Variants in ARHGEF18 observed in about 807,000 individuals in gnomAD.
The protein encoded by ARHGEF18 is rho guanine nucleotide exchange factor 18.
In ARHGEF18, 93 loss-of-function variants were observed where a neutral mutation model predicts 155.7. The observed-to-expected ratio is 0.60, with a 90% confidence interval of 0.50 to 0.71. The LOEUF (loss-of-function observed/expected upper bound fraction) is 0.71. Ranked by LOEUF, ARHGEF18 falls within the 30% of genes least tolerant of loss-of-function variation. The pLI is 0.00. For synonymous variants in ARHGEF18, 742 were observed against 753.1 expected, an observed-to-expected ratio of 0.99 and a Z score of 0.24; for missense variants, 1,593 against 1,816.1, an observed-to-expected ratio of 0.88 and a Z score of 2.23.
intron 13 of ARHGEF18, among the ~76,000 whole-genome samples, chr19:7,442,600 G>A (rs898347477): frequency 2.6e-5 from 4 of 152,188 alleles, no homozygotes; most frequent in Non-Finnish European, 5.9e-5. Flanking sequence ...AGAGACTGTC[G>A]GAGAGGATTT....
chr19:7,378,980 A>C, intron 6 of ARHGEF18, 142 bp from the exon 7 acceptor site: 1 of 591,948 alleles, frequency 1.7e-6, no homozygotes, highest in Non-Finnish European at 2.4e-6. Flanking sequence ...GGCGTGAGCC[A>C]CTGTGCCCGG....
chr19:7,374,054 C>G (rs1048847971), intron 3 of ARHGEF18, among the ~76,000 whole-genome samples: 4 of 151,984 alleles, frequency 2.6e-5, no homozygotes, highest in African/African-American at 9.7e-5. Flanking sequence ...GTCACCATGC[C>G]GGGCCCCTGC....
rs374271088 is a variant in ARHGEF18, at chr19:7,458,493, A to G, written c.2182-19A>G. ...TGTGGGGTAAAGGGTGACCTCCCCA[A>G]TGCCCTCTACTCATGCAGGACTCAA... On this transcript the variant is annotated intron_variant, in intron 18 of 28. Coordinates refer to ENST00000668164, the MANE Select transcript of ARHGEF18 (RefSeq NM_001367823.1). The G allele has an allele frequency of 7.5e-6, 12 of 1,610,168 alleles. No homozygotes were observed. The highest frequency in any genetic ancestry group is 6.7e-5 in the East Asian group (3 of 44,774).
At position 7,451,244 on chromosome 19, in the gene ARHGEF18, G is replaced by T. The variant is rs1339440825; in HGVS notation, c.1833G>T (p.Glu611Asp). 5.6e-6 allele frequency: 9 copies of T among 1,610,548 alleles called. No individual in the cohort carries two copies. The highest frequency in any genetic ancestry group is 7.6e-6 in the Non-Finnish European group (9 of 1,179,094). ...QRITKYPVLVERIIQNTEAGT... is the reference protein window; with the variant it reads ...QRITKYPVLVDRIIQNTEAGT... ...TAACCAAATACCCAGTGCTGGTGGA[G>T]CGCATCATCCAGAACACGGAAGGTA... is the stretch of plus-strand genomic sequence containing the variant. Residue 611 changes from glutamate to aspartate, a missense_variant, in exon 16 of 29, where the codon GAG becomes GAT. Physicochemically the swap from Glu to Asp is conservative, Grantham distance 45. Coordinates refer to ENST00000668164, the MANE Select transcript of ARHGEF18 (RefSeq NM_001367823.1).
At chr19:7,378,509 G>A (rs769756088) in intron 6 of ARHGEF18, 58 bp downstream of exon 6, 1 of 1,219,420 alleles carries the variant, frequency 8.2e-7, no homozygotes, top group Admixed American at 4.2e-5. Flanking sequence ...ACAAAGTCAG[G>A]GCTGCGGGAG....
At chr19:7,410,929 G>A (rs992136516) in intron 10 of ARHGEF18, among the ~76,000 whole-genome samples, 2 of 151,940 alleles carry the variant, frequency 1.3e-5, no homozygotes, top group African/African-American at 4.8e-5. Flanking sequence ...GGCCTCAGGG[G>A]GTGGAATAGT....
chr19:7,397,780 G>A lies in ARHGEF18; in HGVS notation c.967+14577G>A, dbSNP rs1488211495. On this transcript the variant is annotated intron_variant, in intron 10 of 28. Coordinates refer to ENST00000668164, the MANE Select transcript of ARHGEF18 (RefSeq NM_001367823.1). ...TGTGGGGTCTCGCTATGTTGCCCAG[G>A]CTGGTCTTGAAGTCCTGGACTCAAG... 2.0e-5 allele frequency among the ~76,000 whole-genome samples: 3 copies of A among 151,980 alleles called. No individual in the cohort carries two copies. In the East Asian group the frequency reaches 5.8e-4, roughly 29 times the overall value.
chr19:7,409,784 T>TTTA (rs1555712138), intron 10 of ARHGEF18, among the ~76,000 whole-genome samples: 2 of 136,558 alleles, frequency 1.5e-5, no homozygotes, highest in African/African-American at 5.8e-5. Context: ...TTTTTTTTTT[T>TTTA]ATTGAGATGG....
chr19:7,458,559 A>G lies in ARHGEF18; in HGVS notation c.2229A>G (p.Glu743=). Residue 743 remains glutamate (E), a synonymous_variant, in exon 19 of 29, where the codon GAA becomes GAG. Coordinates refer to ENST00000668164, the MANE Select transcript of ARHGEF18 (RefSeq NM_001367823.1). ...CGTTACAAAAGCTCATCGTGAGGGA[A>G]GTGGCCAACGAGGAGAAAGCGATGT... is the stretch of plus-strand genomic sequence containing the variant. ...VISLQKLIVR[E]VANEEKAMFL... The G allele has an allele frequency of 6.2e-7, 1 of 1,614,078 alleles. No individual in the cohort carries two copies. Among genetic ancestry groups the G allele is most frequent in the Non-Finnish European group, 8.5e-7 (1 of 1,179,970 alleles).
rs1976722886 is a variant in ARHGEF18 at position 7,467,520 on chromosome 19, C to T, written c.3316C>T (p.Arg1106Trp). 6 of 1,434,302 alleles carry T rather than the reference C, an allele frequency of 4.2e-6. No homozygotes were observed. Among genetic ancestry groups the T allele is most frequent in the Admixed American group, 3.1e-5 (1 of 32,658 alleles). The allele number at this position is 1,434,302 out of a possible 1,614,324, so 88.8% of individuals were successfully genotyped here. ...GCTACGCGAGCGGCTGGAGCAGGAG[C>T]GGGCCGAGCTGGAGCGCCAGCGCCA... ...RQLRERLEQE[R>W]AELERQRQAY... Residue 1106 changes from arginine to tryptophan, a missense_variant, in exon 26 of 29, where the codon CGG becomes TGG. Transcript: ENST00000668164.
chr19:7,444,265 C>T lies in ARHGEF18; in HGVS notation c.1422C>T (p.Ser474=), dbSNP rs1432715055. ...RTLKIMLKVY[S]RALQEELQFS... is the part of the protein sequence containing the mutation. Reference sequence around the variant, plus strand: ...TCAAGATCATGCTGAAGGTGTACTCCAGGGCCCTGCAGGAGGAGCTGCAGT... The same window carrying T: ...TCAAGATCATGCTGAAGGTGTACTCTAGGGCCCTGCAGGAGGAGCTGCAGT... Residue 474 remains serine (S), a synonymous_variant, in exon 14 of 29, where the codon TCC becomes TCT. Coordinates refer to ENST00000668164, the MANE Select transcript of ARHGEF18 (RefSeq NM_001367823.1). The surrounding 1 kb of genome is among the most constrained non-coding windows in gnomAD (Gnocchi z 4.7). 6.2e-7 allele frequency: 1 copy of T among 1,613,644 alleles called. No homozygotes were observed. The highest frequency in any genetic ancestry group is 1.1e-5 in the South Asian group (1 of 91,074).
intron 10 of ARHGEF18, chr19:7,439,584 G>A (rs1459259600): frequency 1.3e-6 from 1 of 742,866 alleles, no homozygotes; most frequent in East Asian, 1.0e-4. Context: ...TGCAGCCCCT[G>A]TTGATGTTGG....
intron 2 of ARHGEF18, among the ~76,000 whole-genome samples, chr19:7,365,918 A>C (rs920909544): frequency 1.3e-5 from 2 of 152,036 alleles, no homozygotes; most frequent in African/African-American, 4.8e-5. Flanking sequence ...GGCCCCATCC[A>C]AGCCCATCTC....
intron 10 of ARHGEF18, among the ~76,000 whole-genome samples, chr19:7,397,560 C>T (rs1022499233): frequency 9.2e-5 from 14 of 151,974 alleles, no homozygotes; most frequent in Admixed American, 5.9e-4. Flanking sequence ...GGTGAAACCC[C>T]GTCTCTACTA....
Position 7,444,568 on chromosome 19 carries a change from T to G in ARHGEF18, c.1611+114T>G. ...CCGTGTCGCCCAGGCTGGAGTGCAGTGGTGCAGTCACAGCTCAATGCAGCC... is the reference window on the plus strand; with the variant it reads ...CCGTGTCGCCCAGGCTGGAGTGCAGGGGTGCAGTCACAGCTCAATGCAGCC... On this transcript the variant is annotated intron_variant, in intron 14 of 28. Coordinates refer to ENST00000668164, the MANE Select transcript of ARHGEF18 (RefSeq NM_001367823.1). This position sits in a 1 kb window ranked among gnomAD's most constrained non-coding sequence, Gnocchi z 4.7. 1 of 1,426,136 alleles carries G rather than the reference T, an allele frequency of 7.0e-7. No homozygotes were observed. 88.3% of individuals were successfully genotyped at this position (1,426,136 alleles called of 1,614,324 possible). A position where few individuals can be genotyped will look rare whatever the true frequency, so the allele number is the denominator to read the frequency against.
At position 7,379,990 on chromosome 19, in the gene ARHGEF18, CTCTG is replaced by C. The variant is rs535599626; in HGVS notation, c.644+830_644+833del. On this transcript the variant is annotated intron_variant, in intron 7 of 28. Coordinates refer to ENST00000668164, the MANE Select transcript of ARHGEF18 (RefSeq NM_001367823.1). Reference sequence around the variant, plus strand: ...GACCAGCCTGGGCAACAGAGTGAGACTCTGTCTGTATAATTTTTTTTTTTTGATT... The same window carrying C: ...GACCAGCCTGGGCAACAGAGTGAGACTCTGTATAATTTTTTTTTTTTGATT... 6.1e-5 allele frequency among the ~76,000 whole-genome samples: 9 copies of C among 147,598 alleles called. No individual in the cohort carries two copies. In the South Asian group the frequency reaches 1.3e-3, roughly 21 times the overall value.
chr19:7,458,201 C>T (rs1265690168), intron 18 of ARHGEF18, among the ~76,000 whole-genome samples: 1 of 149,296 alleles, frequency 6.7e-6, no homozygotes, highest in Non-Finnish European at 1.5e-5. Flanking sequence ...GTGGGAGGAT[C>T]ACTTGAGCCC....
chr19:7,454,378 T>C (rs1340857345), intron 17 of ARHGEF18, among the ~76,000 whole-genome samples: 1 of 151,950 alleles, frequency 6.6e-6, no homozygotes, highest in Admixed American at 6.6e-5. Flanking sequence ...AGTACCATCT[T>C]GGATCAGTGA....
intron 10 of ARHGEF18, among the ~76,000 whole-genome samples, chr19:7,422,943 TC>T (rs1196049850): frequency 2.0e-5 from 3 of 152,226 alleles, no homozygotes; most frequent in Admixed American, 2.0e-4. Context: ...GATCTCAAAC[TC>T]CTGATCTCAA....
Sources: gnomAD v4.1 joint callset for allele counts (sites outside exome capture counted in the v4.1 genomes callset) on GRCh38, gnomAD v4.1.1 for gene constraint, Gnocchi (gnomAD v3.1) non-coding constraint, MANE v1.5 for transcripts, NCBI Gene and HGNC (gene_info 2026-07-23, HGNC 2026-07-21) for gene names.